Variants in ARHGAP23 observed in about 807,000 individuals in gnomAD.
ARHGAP23 encodes rho GTPase-activating protein 23.
In ARHGAP23, 34 loss-of-function variants were observed where a neutral mutation model predicts 136.3. That is an observed-to-expected ratio of 0.25 (90% confidence interval 0.19 to 0.33). The LOEUF (loss-of-function observed/expected upper bound fraction) is 0.33, where lower values mean the gene tolerates loss of function less well. ARHGAP23 is among the 10% of genes least tolerant of loss of function. The probability of loss-of-function intolerance (pLI) is 1.00; values close to 1 mark genes in which losing one functional copy is unlikely to be tolerated. For synonymous variants in ARHGAP23, 832 were observed against 920.5 expected (o/e 0.90, Z 1.74); for missense variants, 1,808 against 2,139.0 (o/e 0.85, Z 3.05).
chr17:38,428,388 C>CCA, upstream of ARHGAP23: 2 of 441,956 alleles, frequency 4.5e-6, no homozygotes, highest in Non-Finnish European at 7.0e-6. Context: ...GGGGGGCCCC[C>CCA]CCACACCGCG....
At chr17:38,487,884 T>TA (rs1381847700) in intron 17 of ARHGAP23, among the ~76,000 whole-genome samples, 1 of 151,592 alleles carries the variant, frequency 6.6e-6, no homozygotes, top group Non-Finnish European at 1.5e-5. Context: ...AATAAATAAA[T>TA]AATACAATAA....
chr17:38,510,253 C>T lies in ARHGAP23; in HGVS notation c.3757C>T (p.Leu1253=), dbSNP rs1210216323. 3.7e-6 allele frequency: 5 copies of T among 1,363,028 alleles called. No homozygotes were observed. The highest frequency in any genetic ancestry group is 4.7e-6 in the Non-Finnish European group (5 of 1,058,944). 84.4% of individuals were successfully genotyped at this position (1,363,028 alleles called of 1,614,324 possible). A position where few individuals can be genotyped will look rare whatever the true frequency, so the allele number is the denominator to read the frequency against. ...TRSIVSGYST[L]STMDRSVCSG... is the part of the protein sequence containing the mutation. The stretch of plus-strand genomic sequence containing the variant: ...CTCCATTGTGTCGGGCTACTCCACC[C>T]TGTCCACCATGGACCGCAGCGTGTG... Residue 1253 remains leucine (L), a synonymous_variant, in exon 24 of 24, where the codon CTG becomes TTG. Coordinates refer to ENST00000622683, the MANE Select transcript of ARHGAP23 (RefSeq NM_001199417.2). This position sits in a 1 kb window ranked among gnomAD's most constrained non-coding sequence, Gnocchi z 4.6.
At chr17:38,458,016 C>G (rs928747074) in intron 1 of ARHGAP23, 86 bp from the exon 2 acceptor site, 28 of 1,479,044 alleles carry the variant, frequency 1.9e-5, no homozygotes, top group African/African-American at 2.8e-5. Flanking sequence ...GGTGCCCCTC[C>G]GGTCCTGTGG....
rs367942460 is a variant in ARHGAP23, at chr17:38,487,784, A to C, written c.2986+1644A>C. On this transcript the variant is annotated intron_variant, in intron 17 of 23. Transcript: ENST00000622683. Reference sequence around the variant, plus strand: ...GAGGCCGAGACAGGAGAATTGCTTGATCCCAGGAGGCAGAGGTTGCAGTGA... The same window carrying C: ...GAGGCCGAGACAGGAGAATTGCTTGCTCCCAGGAGGCAGAGGTTGCAGTGA... Among the ~76,000 whole-genome samples, 73 of 152,166 alleles carry C rather than the reference A, an allele frequency of 4.8e-4. No homozygotes were observed. The South Asian group carries it at 0.015, about 31-fold the overall frequency.
intron 3 of ARHGAP23, among the ~76,000 whole-genome samples, chr17:38,461,234 G>C (rs111915110): frequency 0.021 from 3,142 of 152,318 alleles, 122 homozygotes; most frequent in African/African-American, 0.072. Flanking sequence ...TCTGCCACCT[G>C]GCCCCTGCCC....
chr17:38,478,178 A>G (rs2039943549), intron 12 of ARHGAP23, among the ~76,000 whole-genome samples: 1 of 152,194 alleles, frequency 6.6e-6, no homozygotes, highest in Admixed American at 6.5e-5. Context: ...CGCCTTGAGC[A>G]GGCTCCGGTG....
intron 16 of ARHGAP23, among the ~76,000 whole-genome samples, chr17:38,483,625 G>A (rs981867396): frequency 3.9e-5 from 6 of 152,258 alleles, no homozygotes; most frequent in Admixed American, 1.3e-4. Context: ...AATCACACAC[G>A]TGAAGGCTCA....
chr17:38,506,040 C>G (rs1170711587), intron 23 of ARHGAP23, among the ~76,000 whole-genome samples: 1 of 152,222 alleles, frequency 6.6e-6, no homozygotes, highest in East Asian at 1.9e-4. Context: ...AACCCAGGGA[C>G]TCCAGTTAAC....
intron 1 of ARHGAP23, among the ~76,000 whole-genome samples, chr17:38,449,445 A>G (rs2039109791): frequency 6.6e-6 from 1 of 152,210 alleles, no homozygotes; most frequent in Admixed American, 6.5e-5. Context: ...TGGCCGGCTC[A>G]TCAACTTGGC....
chr17:38,472,958 A>G (rs138079847), intron 11 of ARHGAP23, among the ~76,000 whole-genome samples: 3,536 of 152,202 alleles, frequency 0.023, 54 homozygotes, highest in Non-Finnish European at 0.037. Context: ...TTTTTTTGAG[A>G]CGGAGTCTCG....
chr17:38,443,683 G>A (rs1259926662), intron 1 of ARHGAP23, among the ~76,000 whole-genome samples: 1 of 150,248 alleles, frequency 6.7e-6, no homozygotes, highest in African/African-American at 2.5e-5. Flanking sequence ...GATGGGCAGG[G>A]CTGGGGTGAG....
At chr17:38,444,486 T>G (rs8182236) in intron 1 of ARHGAP23, among the ~76,000 whole-genome samples, 1 of 151,908 alleles carries the variant, frequency 6.6e-6, no homozygotes, top group East Asian at 1.9e-4. Context: ...GCCCCCACAC[T>G]GAGCCAGGTT....
chr17:38,507,480 C>T (rs79230336), intron 23 of ARHGAP23, among the ~76,000 whole-genome samples: 2 of 152,164 alleles, frequency 1.3e-5, no homozygotes, highest in East Asian at 1.9e-4. Flanking sequence ...CTGCTGGCCC[C>T]CTGCTTTCCT....
chr17:38,506,406 C>G (rs968215986), intron 23 of ARHGAP23, among the ~76,000 whole-genome samples: 2 of 152,160 alleles, frequency 1.3e-5, no homozygotes, highest in African/African-American at 4.8e-5. Context: ...TGACCCTGCC[C>G]GGCTGTGAGA....
At chr17:38,436,187 G>T (rs1226510768) in intron 1 of ARHGAP23, among the ~76,000 whole-genome samples, 1 of 152,106 alleles carries the variant, frequency 6.6e-6, no homozygotes, top group Non-Finnish European at 1.5e-5. Context: ...AAGAGGAGAG[G>T]GTAGGAGGCA....
chr17:38,501,486 G>A (rs1309009052), intron 23 of ARHGAP23, among the ~76,000 whole-genome samples: 1 of 151,876 alleles, frequency 6.6e-6, no homozygotes, highest in Non-Finnish European at 1.5e-5. Flanking sequence ...TATTTTTAGT[G>A]GAGACGGGGT....
chr17:38,447,437 G>GAAAAAAAAAAAAAAAAAAAAAAAAAAAA (rs71138625), intron 1 of ARHGAP23, among the ~76,000 whole-genome samples: 1 of 25,636 alleles, frequency 3.9e-5, no homozygotes, highest in Non-Finnish European at 7.2e-5. Flanking sequence ...GACTCCGTCT[G>GAAAAAAAAAAAAAAAAAAAAAAAAAAAA]AAAAAAAAAA....
At chr17:38,504,273 C>T (rs983354567) in intron 23 of ARHGAP23, among the ~76,000 whole-genome samples, 9 of 152,302 alleles carry the variant, frequency 5.9e-5, no homozygotes, top group East Asian at 1.9e-4. Flanking sequence ...TTAAGTACAG[C>T]GATAGGAATA....
Position 38,428,526 on chromosome 17 carries a change from G to C in ARHGAP23, c.41G>C (p.Arg14Pro). 2 of 1,453,298 alleles carry C rather than the reference G, an allele frequency of 1.4e-6. No individual in the cohort carries two copies. Among genetic ancestry groups the C allele is most frequent in the East Asian group, 3.0e-5 (1 of 32,852 alleles). The allele number at this position is 1,453,298 out of a possible 1,614,324, so 90.0% of individuals were successfully genotyped here. The change falls in exon 1 of 24, where the codon CGC becomes CCC. Residue 14 changes from arginine (R) to proline (P), a missense_variant. Transcript: ENST00000622683. The part of the protein sequence containing the change: ...VAFCLVGIPP[R>P]PEPRPPQLPL... ...TTCTGCCTGGTCGGGATCCCGCCCC[G>C]CCCGGAGCCCCGGCCCCCACAGGTG...
Sources: gnomAD v4.1 joint callset for allele counts (sites outside exome capture counted in the v4.1 genomes callset) on GRCh38, gnomAD v4.1.1 for gene constraint, Gnocchi (gnomAD v3.1) non-coding constraint, MANE v1.5 for transcripts, NCBI Gene and HGNC (gene_info 2026-07-23, HGNC 2026-07-21) for gene names.